The following ZDHHC14 variants were observed in gnomAD, a reference collection of about 807,000 sequenced individuals.
ZDHHC14 encodes the protein palmitoyltransferase ZDHHC14.
Under a neutral mutation model 47.7 loss-of-function variants are expected in ZDHHC14, and 16 were observed. The observed-to-expected ratio is 0.34, with a 90% CI of 0.23 to 0.51. The LOEUF is 0.51. Ranked by LOEUF, ZDHHC14 falls within the 20% of genes least tolerant of loss-of-function variation. ZDHHC14 has a pLI of 0.97. For missense variants in ZDHHC14, 515 were observed against 662.5 expected, an observed-to-expected ratio of 0.78 and a Z score of 2.44; for synonymous variants, 293 against 278.9, an observed-to-expected ratio of 1.05 and a Z score of -0.50.
At chr6:157,487,863 C>T (rs1420711189) in intron 1 of ZDHHC14, among the ~76,000 whole-genome samples, 4 of 152,172 alleles carry the variant, frequency 2.6e-5, no homozygotes, top group Non-Finnish European at 2.9e-5. Context: ...CCAGGCAGGT[C>T]CCCCGGAGCT....
chr6:157,439,554 G>A (rs1778521200), intron 1 of ZDHHC14, among the ~76,000 whole-genome samples: 1 of 152,200 alleles, frequency 6.6e-6, no homozygotes, highest in Non-Finnish European at 1.5e-5. Flanking sequence ...TTTTTACACT[G>A]TCTGTGGGAA....
Position 157,645,672 on chromosome 6 carries a change from G to A in ZDHHC14, c.753-65G>A, listed in dbSNP as rs547185971. 28 of 1,359,546 alleles carry A rather than the reference G, an allele frequency of 2.1e-5. No homozygotes were observed. In the South Asian group the frequency reaches 3.2e-4, roughly 16 times the overall value. The allele number at this position is 1,359,546 out of a possible 1,614,324, so 84.2% of individuals were successfully genotyped here. ...TGTGCCCGGGGGTGTTTCGGTTCCA[G>A]GCCTCCATCACATCCACTTCTTGCG... On this transcript the variant is annotated intron_variant, in intron 5 of 8. Coordinates refer to ENST00000359775, the MANE Select transcript of ZDHHC14 (RefSeq NM_024630.3).
intron 5 of ZDHHC14, among the ~76,000 whole-genome samples, chr6:157,635,772 G>A (rs1241153074): frequency 4.6e-5 from 7 of 152,196 alleles, no homozygotes; most frequent in Admixed American, 1.3e-4. Flanking sequence ...GGCCGTGCCC[G>A]GAGCCTGCAG....
intron 2 of ZDHHC14, chr6:157,592,641 G>T: frequency 1.5e-6 from 1 of 666,188 alleles, no homozygotes. Context: ...CTCCCCAGCT[G>T]TGTCTCCCAA....
intron 3 of ZDHHC14, among the ~76,000 whole-genome samples, chr6:157,612,240 C>T (rs763266526): frequency 6.6e-6 from 1 of 152,218 alleles, no homozygotes; most frequent in Non-Finnish European, 1.5e-5. Context: ...CCGCCATCAT[C>T]TCTCACTTTA....
At chr6:157,672,629 A>G in intron 8 of ZDHHC14, 95 bp from the exon 9 acceptor site, 1 of 79,518 alleles carries the variant, frequency 1.3e-5, no homozygotes, top group Non-Finnish European at 2.7e-5. Context: ...CTCGCACCCC[A>G]CCCTCCCCGC....
rs915046680 is a variant in ZDHHC14 at position 157,463,130 on chromosome 6, G to A, written c.246-79455G>A. 2.6e-5 allele frequency among the ~76,000 whole-genome samples: 4 copies of A among 152,194 alleles called. No homozygotes were observed. Among genetic ancestry groups the A allele is most frequent in the African/African-American group, 9.7e-5 (4 of 41,444 alleles). On this transcript the variant is annotated intron_variant, in intron 1 of 8. Transcript: ENST00000359775. This position sits in a 1 kb window ranked among gnomAD's most constrained non-coding sequence, Gnocchi z 4.4. ...AGTTGTTGGCTATTCAGACATGCACGTGAGGCAGCTGGAAATGAGATCCTT... is the reference window on the plus strand; with the variant it reads ...AGTTGTTGGCTATTCAGACATGCACATGAGGCAGCTGGAAATGAGATCCTT...
rs145081896 is a variant in ZDHHC14 at position 157,607,816 on chromosome 6, G to T, written c.565+14670G>T. Among the ~76,000 whole-genome samples the T allele has an allele frequency of 5.9e-5, 9 of 152,308 alleles. 1 individual carries two copies. Among genetic ancestry groups the T allele is most frequent in the Admixed American group, 5.9e-4 (9 of 15,298 alleles). ...TAAAACCTGTTCACAAGAGAGAATA[G>T]AATATTGACAGTGCCGTCTTAAATT... On this transcript the variant is annotated intron_variant, in intron 3 of 8. Transcript: ENST00000359775.
intron 2 of ZDHHC14, among the ~76,000 whole-genome samples, chr6:157,552,652 G>A (rs1782283015): frequency 6.6e-6 from 1 of 152,170 alleles, no homozygotes; most frequent in Admixed American, 6.5e-5. Flanking sequence ...GGAAGACTGA[G>A]CAGGTGCAAC....
At chr6:157,540,910 G>GTGTGTGTGTGTATATATATATATATA (rs1284429244) in intron 1 of ZDHHC14, among the ~76,000 whole-genome samples, 8 of 122,968 alleles carry the variant, frequency 6.5e-5, no homozygotes, top group African/African-American at 3.5e-4. Flanking sequence ...GTGTGTGTGT[G>GTGTGTGTGTGTATATATATATATATA]TATATATATA....
chr6:157,436,920 T>A (rs1583643544), intron 1 of ZDHHC14, among the ~76,000 whole-genome samples: 1 of 151,302 alleles, frequency 6.6e-6, no homozygotes, highest in Non-Finnish European at 1.5e-5. Flanking sequence ...AGTACAGGGG[T>A]GGTCTGAGGT....
chr6:157,465,582 G>A (rs573914953), intron 1 of ZDHHC14, among the ~76,000 whole-genome samples: 37 of 151,746 alleles, frequency 2.4e-4, no homozygotes, highest in Admixed American at 2.0e-3. Context: ...AGTTAATGCC[G>A]TTCTATTTAG....
At chr6:157,573,234 C>T (rs1289918540) in intron 2 of ZDHHC14, among the ~76,000 whole-genome samples, 4 of 152,184 alleles carry the variant, frequency 2.6e-5, no homozygotes, top group Non-Finnish European at 5.9e-5. Context: ...TCTGGGGACT[C>T]CTCTGCAAGT....
intron 2 of ZDHHC14, among the ~76,000 whole-genome samples, chr6:157,565,824 G>A (rs1016121599): frequency 5.3e-5 from 8 of 151,284 alleles, no homozygotes; most frequent in Admixed American, 1.3e-4. Flanking sequence ...AAAAAAGGTT[G>A]GGTCCAGAGA....
chr6:157,671,448 T>A (rs1250270494), intron 8 of ZDHHC14, among the ~76,000 whole-genome samples: 1 of 152,216 alleles, frequency 6.6e-6, no homozygotes, highest in African/African-American at 2.4e-5. Flanking sequence ...TATCCATGTC[T>A]GTTCCTCCTT....
intron 1 of ZDHHC14, among the ~76,000 whole-genome samples, chr6:157,515,687 G>T (rs1009142658): frequency 3.3e-5 from 5 of 151,306 alleles, no homozygotes; most frequent in African/African-American, 1.2e-4. Context: ...GGATGGTCTC[G>T]ATCTCCTGAC....
At chr6:157,423,719 C>A (rs1778154911) in intron 1 of ZDHHC14, among the ~76,000 whole-genome samples, 1 of 152,180 alleles carries the variant, frequency 6.6e-6, no homozygotes, top group Admixed American at 6.5e-5. Context: ...GAATGCATCC[C>A]AACCTACAGG....
In ZDHHC14 at chr6:157,646,137, G is replaced by A. The variant is rs149741219; in HGVS notation, c.855+298G>A. ...CTTTGTATTCCTTTGAAATGGTTTC[G>A]TAAGCTTCTTATCACACTTCCCCTG... is the stretch of plus-strand genomic sequence containing the variant. On this transcript the variant is annotated intron_variant, in intron 6 of 8. Coordinates refer to ENST00000359775, the MANE Select transcript of ZDHHC14 (RefSeq NM_024630.3). The A allele has an allele frequency of 5.0e-4, 135 of 269,486 alleles. 3 individuals carry two copies. The East Asian group carries it at 0.011, about 22-fold the overall frequency. The allele number at this position is 269,486 out of a possible 1,614,324, so 16.7% of individuals were successfully genotyped here.
At chr6:157,425,826 C>G (rs1288534556) in intron 1 of ZDHHC14, among the ~76,000 whole-genome samples, 2 of 152,196 alleles carry the variant, frequency 1.3e-5, no homozygotes, top group African/African-American at 4.8e-5. Flanking sequence ...TGTCTTGTAG[C>G]TTCTAGAACG....
Sources: allele counts gnomAD v4.1 joint callset (sites outside exome capture counted in the v4.1 genomes callset), GRCh38; gene constraint gnomAD v4.1.1; non-coding constraint Gnocchi (gnomAD v3.1); transcripts MANE v1.5; gene names NCBI Gene and HGNC (gene_info 2026-07-23, HGNC 2026-07-21).